FBXL19: variants seen among roughly 807,000 people sequenced by gnomAD.
FBXL19 encodes F-box/LRR-repeat protein 19.
A neutral mutation model predicts 71.2 loss-of-function variants in FBXL19; 16 were observed. The ratio of observed to expected loss-of-function variants is 0.22; its 90% CI spans 0.15 to 0.34. The LOEUF (loss-of-function observed/expected upper bound fraction) is 0.34. Among genes scored for constraint, FBXL19 ranks in the 10% least tolerant of loss-of-function variants. The pLI is 1.00. For synonymous variants in FBXL19, 447 were observed against 409.4 expected (o/e 1.09, Z -1.11); for missense variants, 658 against 968.2 (o/e 0.68, Z 4.25).
In FBXL19 at chr16:30,946,888, C is replaced by T. The variant is rs1567342814; in HGVS notation, c.1786C>T (p.His596Tyr). Residue 596 changes from histidine to tyrosine, a missense_variant, in exon 10 of 11, where the codon CAC (histidine) becomes TAC (tyrosine). Physicochemically the swap from His to Tyr is moderately conservative, Grantham distance 83 (BLOSUM62 2). Coordinates refer to ENST00000338343, the MANE Select transcript of FBXL19 (RefSeq NM_001382779.1). The surrounding 1 kb of genome is among the most constrained non-coding windows in gnomAD (Gnocchi z 6.7). ...CGCCCACGTCGGGGACCCCAGTGTT[C>T]ACCTCCTCACGGCCCCCACGTCCCC... Reference protein sequence around the residue: ...HCAHVGDPSVHLLTAPTSPLR... With the variant: ...HCAHVGDPSVYLLTAPTSPLR... 1.9e-6 allele frequency: 3 copies of T among 1,611,300 alleles called. No homozygotes were observed. The highest frequency in any genetic ancestry group is 2.5e-6 in the Non-Finnish European group (3 of 1,179,412).
chr16:30,928,757 G>T, intron 6 of FBXL19, 129 bp downstream of exon 6: 1 of 209,206 alleles, frequency 4.8e-6, no homozygotes, highest in Non-Finnish European at 8.5e-6. Flanking sequence ...GTGGGTGTCC[G>T]GACACCTGGG....
In FBXL19 at chr16:30,947,140, C is replaced by T. The variant is rs1399142253; in HGVS notation, c.1935C>T (p.Leu645=). The change falls in exon 11 of 11, where the codon CTC becomes CTT. Residue 645 remains leucine (L), a synonymous_variant. Transcript: ENST00000338343. ...RRLDLRSCRQ[L]SPEACARLAA... ...TAGACCTGCGCTCCTGCCGCCAGCT[C>T]TCACCCGAAGCTTGTGCCCGGCTGG... The T allele has an allele frequency of 6.2e-7, 1 of 1,600,302 alleles. No homozygotes were observed. Among genetic ancestry groups the T allele is most frequent in the South Asian group, 1.1e-5 (1 of 90,960 alleles).
At chr16:30,929,033 G>A (rs1368048873) in intron 6 of FBXL19, among the ~76,000 whole-genome samples, 1 of 152,144 alleles carries the variant, frequency 6.6e-6, no homozygotes, top group African/African-American at 2.4e-5. Flanking sequence ...TAAGTCTTAC[G>A]AGGTTCTGAA....
chr16:30,932,302 T>C (rs937649841), intron 7 of FBXL19, among the ~76,000 whole-genome samples: 1 of 152,098 alleles, frequency 6.6e-6, no homozygotes, highest in African/African-American at 2.4e-5. Context: ...GAAGAGCATA[T>C]AGTTAAGCTG....
At chr16:30,934,572 C>G (rs1256497677) in intron 7 of FBXL19, among the ~76,000 whole-genome samples, 1 of 151,956 alleles carries the variant, frequency 6.6e-6, no homozygotes, top group Non-Finnish European at 1.5e-5. Context: ...CCAGGAGAAT[C>G]GCTTGAACCC....
At chr16:30,941,098 G>A (rs146238074) in intron 7 of FBXL19, among the ~76,000 whole-genome samples, 86 of 152,304 alleles carry the variant, frequency 5.6e-4, no homozygotes, top group Admixed American at 2.2e-3. Flanking sequence ...TATAATCAGA[G>A]TGAATAAATG....
intron 7 of FBXL19, among the ~76,000 whole-genome samples, chr16:30,931,893 A>AT (rs34106190): frequency 0.049 from 6,444 of 132,230 alleles, 171 homozygotes; most frequent in Non-Finnish European, 0.063. Flanking sequence ...CACCCGGCTA[A>AT]TTTTTTTTTT....
intron 7 of FBXL19, among the ~76,000 whole-genome samples, chr16:30,939,486 T>C (rs1223745610): frequency 6.7e-6 from 1 of 149,734 alleles, no homozygotes; most frequent in Non-Finnish European, 1.5e-5. Flanking sequence ...CGATCTCGGC[T>C]CACTGCAAGC....
intron 7 of FBXL19, among the ~76,000 whole-genome samples, chr16:30,936,869 A>C (rs774760001): frequency 2.0e-5 from 3 of 150,392 alleles, no homozygotes; most frequent in Non-Finnish European, 4.4e-5. Flanking sequence ...CAGCCTCCTG[A>C]GTAGCTGGGA....
intron 9 of FBXL19, among the ~76,000 whole-genome samples, chr16:30,945,301 G>T (rs1451366815): frequency 6.6e-6 from 1 of 152,128 alleles, no homozygotes. Context: ...GTCTCCCAAG[G>T]CTGTGGTTCT....
In FBXL19 at chr16:30,942,708, G is replaced by A. The variant is rs948873368; in HGVS notation, c.1627+172G>A. On this transcript the variant is annotated intron_variant, in intron 9 of 10. Coordinates refer to ENST00000338343, the MANE Select transcript of FBXL19 (RefSeq NM_001382779.1). The surrounding 1 kb of genome is among the most constrained non-coding windows in gnomAD (Gnocchi z 5.7). ...GCATTATTCATTCATTCACCCACCT[G>A]CTGTGTACTTTGAACTGAGTCTTGA... Among the ~76,000 whole-genome samples the A allele has an allele frequency of 2.6e-5, 4 of 152,246 alleles. No individual in the cohort carries two copies. Among genetic ancestry groups the A allele is most frequent in the African/African-American group, 9.6e-5 (4 of 41,466 alleles).
At chr16:30,934,035 G>T (rs1406798484) in intron 7 of FBXL19, among the ~76,000 whole-genome samples, 1 of 151,802 alleles carries the variant, frequency 6.6e-6, no homozygotes, top group African/African-American at 2.4e-5. Context: ...TTACAAGCAT[G>T]AGCCACCACG....
Position 30,930,740 on chromosome 16 carries a change from G to A in FBXL19, c.1301+156G>A, listed in dbSNP as rs554982696. 6.6e-6 allele frequency among the ~76,000 whole-genome samples: 1 copy of A among 152,306 alleles called. No homozygotes were observed. The highest frequency in any genetic ancestry group is 1.9e-4 in the East Asian group (1 of 5,180). ...TACAGTGCATCCTTCCGTATTTCCC[G>A]TGTGCAGGCTACTTTCCACTTATGG... is the stretch of plus-strand genomic sequence containing the variant. On this transcript the variant is annotated intron_variant, in intron 7 of 10. Transcript: ENST00000338343. This position sits in a 1 kb window ranked among gnomAD's most constrained non-coding sequence, Gnocchi z 8.5.
In FBXL19 at chr16:30,942,508, G is replaced by A; in HGVS notation, c.1599G>A (p.Leu533=). 1 of 1,594,232 alleles carries A rather than the reference G, an allele frequency of 6.3e-7. No individual in the cohort carries two copies. The highest frequency in any genetic ancestry group is 8.5e-7 in the Non-Finnish European group (1 of 1,170,768). The part of the protein sequence containing the change: ...EDVKDSQLRE[L]LLPPPDTKPG... ...TTAAAGACTCCCAGCTCCGGGAGTT[G>A]CTGCTGCCTCCACCAGACACCAAAC... Residue 533 remains leucine (L), a synonymous_variant, in exon 9 of 11, where the codon TTG becomes TTA. Coordinates refer to ENST00000338343, the MANE Select transcript of FBXL19 (RefSeq NM_001382779.1). This position sits in a 1 kb window ranked among gnomAD's most constrained non-coding sequence, Gnocchi z 5.7.
intron 9 of FBXL19, among the ~76,000 whole-genome samples, chr16:30,943,367 ATTTTTT>A (rs34002102): frequency 1.5e-5 from 1 of 67,584 alleles, no homozygotes; most frequent in African/African-American, 5.6e-5. Flanking sequence ...TTTTTTTGTA[ATTTTTT>A]TTTTTTTTTT....
intron 9 of FBXL19, among the ~76,000 whole-genome samples, chr16:30,945,223 G>C (rs2055844859): frequency 6.6e-6 from 1 of 152,168 alleles, no homozygotes; most frequent in African/African-American, 2.4e-5. Context: ...ACTGTGGTAA[G>C]AGTTCAGATT....
At position 30,946,023 on chromosome 16, in the gene FBXL19, A is replaced by G. The variant is rs2055855199; in HGVS notation, c.1628-707A>G. The stretch of plus-strand genomic sequence containing the variant: ...AAATACCTTCGGCTGGGTAATTTAT[A>G]AAGAAAAGAGGTTGAATTGGCTCAG... On this transcript the variant is annotated intron_variant, in intron 9 of 10. Transcript: ENST00000338343. The surrounding 1 kb of genome is among the most constrained non-coding windows in gnomAD (Gnocchi z 6.7). 6.6e-6 allele frequency among the ~76,000 whole-genome samples: 1 copy of G among 152,066 alleles called. No homozygotes were observed.
intron 6 of FBXL19, 45 bp downstream of exon 6, chr16:30,928,673 C>T: frequency 1.4e-6 from 2 of 1,452,308 alleles, no homozygotes; most frequent in Non-Finnish European, 9.1e-7. Context: ...TTCCCTTGCC[C>T]CACCCTTCAC....
Position 30,925,695 on chromosome 16 carries a change from G to C in FBXL19, c.-24-36G>C. 2 of 1,472,592 alleles carry C rather than the reference G, an allele frequency of 1.4e-6. No individual in the cohort carries two copies. The highest frequency in any genetic ancestry group is 1.8e-6 in the Non-Finnish European group (2 of 1,119,880). 91.2% of individuals were successfully genotyped at this position (1,472,592 alleles called of 1,614,324 possible). A position where few individuals can be genotyped will look rare whatever the true frequency, so the allele number is the denominator to read the frequency against. On this transcript the variant is annotated intron_variant, in intron 1 of 10. Coordinates refer to ENST00000338343, the MANE Select transcript of FBXL19 (RefSeq NM_001382779.1). The surrounding 1 kb of genome is among the most constrained non-coding windows in gnomAD (Gnocchi z 5.0). Reference sequence around the variant, plus strand: ...AGGGGTCTCCCAGGCCAGGGCCCCAGTGGGCCCATCTGACCCTGCCACCAT... The same window carrying C: ...AGGGGTCTCCCAGGCCAGGGCCCCACTGGGCCCATCTGACCCTGCCACCAT...
Sources: gnomAD v4.1 joint callset for allele counts (sites outside exome capture counted in the v4.1 genomes callset) on GRCh38, gnomAD v4.1.1 for gene constraint, Gnocchi (gnomAD v3.1) non-coding constraint, MANE v1.5 for transcripts, NCBI Gene and HGNC (gene_info 2026-07-23, HGNC 2026-07-21) for gene names.